Variants in HPSE2 observed in about 807,000 individuals in gnomAD.
HPSE2 encodes the protein heparanase 2 (inactive), also known as inactive heparanase-2.
A neutral mutation model predicts 60.5 loss-of-function variants in HPSE2; 38 were observed. The observed-to-expected ratio is 0.63, with a 90% CI of 0.48 to 0.82. The LOEUF (loss-of-function observed/expected upper bound fraction) is 0.82. HPSE2 is among the 40% of genes least tolerant of loss of function. The pLI is 0.00. For synonymous variants in HPSE2, 295 were observed against 293.2 expected, an observed-to-expected ratio of 1.01 and a Z score of -0.06; for missense variants, 713 against 740.4, an observed-to-expected ratio of 0.96 and a Z score of 0.43.
chr10:98,473,574 C>T (rs1291766779), intron 11 of HPSE2, among the ~76,000 whole-genome samples: 2 of 150,226 alleles, frequency 1.3e-5, no homozygotes, highest in Admixed American at 6.6e-5. Flanking sequence ...AAAGGTTAAT[C>T]CTGTGAGATA....
chr10:98,858,961 C>T (rs984324866), intron 3 of HPSE2, among the ~76,000 whole-genome samples: 1 of 152,170 alleles, frequency 6.6e-6, no homozygotes, highest in Non-Finnish European at 1.5e-5. Context: ...CGAGACCTCA[C>T]TTTATTGCCC....
intron 9 of HPSE2, among the ~76,000 whole-genome samples, chr10:98,549,171 C>A (rs775286322): frequency 4.6e-5 from 7 of 151,968 alleles, no homozygotes; most frequent in Non-Finnish European, 1.0e-4. Flanking sequence ...TTGCTTATAC[C>A]ACTTACTGTC....
intron 3 of HPSE2, among the ~76,000 whole-genome samples, chr10:98,822,287 C>A (rs1951442736): frequency 6.6e-6 from 1 of 152,142 alleles, no homozygotes; most frequent in Non-Finnish European, 1.5e-5. Flanking sequence ...AAATGGATTT[C>A]ATTCAGCCAC....
chr10:99,118,452 G>A lies in HPSE2; in HGVS notation c.610+25786C>T, dbSNP rs183537655. 6.6e-3 allele frequency among the ~76,000 whole-genome samples: 994 copies of A among 151,056 alleles called. 6 individuals carry two copies. The highest frequency in any genetic ancestry group is 0.022 in the African/African-American group (922 of 41,118). ...GCAGGAGAATGGCATGAACCCAGGAGGCAGAGTTTGCAGTGAGCTGAGATC... is the reference window on the plus strand; with the variant it reads ...GCAGGAGAATGGCATGAACCCAGGAAGCAGAGTTTGCAGTGAGCTGAGATC... On this transcript the variant is annotated intron_variant, in intron 3 of 11. Transcript: ENST00000370552.
At chr10:98,844,350 G>A (rs1951986558) in intron 3 of HPSE2, among the ~76,000 whole-genome samples, 1 of 152,090 alleles carries the variant, frequency 6.6e-6, no homozygotes. Context: ...TTCATTTAGA[G>A]GTTCTTACAT....
intron 2 of HPSE2, among the ~76,000 whole-genome samples, chr10:99,189,986 G>T (rs1002782990): frequency 6.6e-6 from 1 of 152,150 alleles, no homozygotes; most frequent in Non-Finnish European, 1.5e-5. Flanking sequence ...TAGCCTAGGT[G>T]GATACCTCTG....
chr10:99,120,126 A>G (rs1412516727), intron 3 of HPSE2, among the ~76,000 whole-genome samples: 1 of 152,206 alleles, frequency 6.6e-6, no homozygotes, highest in Non-Finnish European at 1.5e-5. Context: ...CTTTTGCACC[A>G]CAGAAGAAAC....
intron 9 of HPSE2, among the ~76,000 whole-genome samples, chr10:98,599,268 G>GC (rs58029646): frequency 0.92 from 139,546 of 152,264 alleles, 64,831 homozygotes; most frequent in East Asian, 1. Flanking sequence ...ACAGGAGCTG[G>GC]CTGGTGCTAG....
intron 9 of HPSE2, among the ~76,000 whole-genome samples, chr10:98,493,552 G>A (rs2785587): frequency 0.086 from 13,126 of 151,868 alleles, 1,798 homozygotes; most frequent in African/African-American, 0.29. Flanking sequence ...TTCCTTCTTT[G>A]TCTCTTATAA....
At chr10:98,989,456 T>G (rs2135335434) in intron 3 of HPSE2, among the ~76,000 whole-genome samples, 2 of 135,674 alleles carry the variant, frequency 1.5e-5, no homozygotes, top group East Asian at 2.1e-4. Flanking sequence ...TGAGAACACA[T>G]GGACACAGGA....
At chr10:98,939,736 T>G (rs1046013550) in intron 3 of HPSE2, among the ~76,000 whole-genome samples, 2 of 143,920 alleles carry the variant, frequency 1.4e-5, no homozygotes, top group South Asian at 4.2e-4. Flanking sequence ...GCAGACCTAA[T>G]AGACATCCAC....
chr10:99,212,834 C>T (rs1429191429), intron 2 of HPSE2, among the ~76,000 whole-genome samples: 1 of 152,122 alleles, frequency 6.6e-6, no homozygotes, highest in East Asian at 1.9e-4. Context: ...TGTTAATTAG[C>T]TCCACTGAGC....
At chr10:98,657,760 GAA>G (rs1340250122) in intron 6 of HPSE2, among the ~76,000 whole-genome samples, 1 of 152,192 alleles carries the variant, frequency 6.6e-6, no homozygotes, top group African/African-American at 2.4e-5. Context: ...GTTTAAGGTT[GAA>G]TCACAAAGAC....
intron 3 of HPSE2, among the ~76,000 whole-genome samples, chr10:98,937,154 G>A (rs1414504954): frequency 6.9e-6 from 1 of 143,912 alleles, no homozygotes; most frequent in Non-Finnish European, 1.5e-5. Flanking sequence ...CCAGCGTTAA[G>A]CGACACAGAA....
chr10:98,508,364 G>C (rs1942271376), intron 9 of HPSE2, among the ~76,000 whole-genome samples: 1 of 152,200 alleles, frequency 6.6e-6, no homozygotes, highest in Non-Finnish European at 1.5e-5. Flanking sequence ...ACTGACAGAA[G>C]TTTACAGAAT....
chr10:98,994,560 A>G (rs145449653), intron 3 of HPSE2, among the ~76,000 whole-genome samples: 82 of 152,356 alleles, frequency 5.4e-4, no homozygotes, highest in African/African-American at 1.1e-3. Flanking sequence ...AGAGCAGTGC[A>G]TCTTGTCCTA....
chr10:99,018,927 A>G (rs1198282299), intron 3 of HPSE2, among the ~76,000 whole-genome samples: 2 of 152,250 alleles, frequency 1.3e-5, no homozygotes, highest in African/African-American at 4.8e-5. Flanking sequence ...TTGGGAATTT[A>G]GAAATTTCAA....
At chr10:99,144,459 A>T in intron 2 of HPSE2, 60 bp from the exon 3 acceptor site, 1 of 1,578,492 alleles carries the variant, frequency 6.3e-7, no homozygotes, top group Admixed American at 1.7e-5. Flanking sequence ...AAAATAATAC[A>T]TCATCAAAGT....
intron 4 of HPSE2, among the ~76,000 whole-genome samples, chr10:98,742,974 C>CT (rs35772316): frequency 0.069 from 6,840 of 99,730 alleles, 269 homozygotes; most frequent in Non-Finnish European, 0.092. Context: ...CTTTTCTTTT[C>CT]TTTTTTTTTT....
Sources: gnomAD v4.1 joint callset for allele counts (sites outside exome capture counted in the v4.1 genomes callset) on GRCh38, gnomAD v4.1.1 for gene constraint, MANE v1.5 for transcripts, NCBI Gene and HGNC (gene_info 2026-07-23, HGNC 2026-07-21) for gene names.